CD2AP: variants seen among roughly 807,000 people sequenced by gnomAD.
CD2AP encodes CD2 associated protein, also known as CD2-associated protein.
CD2AP carries 46 observed loss-of-function variants against 85.1 expected under a neutral mutation model. That is an observed-to-expected ratio of 0.54 (90% CI 0.43 to 0.69). The LOEUF (loss-of-function observed/expected upper bound fraction) is 0.69. Ranked by LOEUF, CD2AP falls within the 30% of genes least tolerant of loss-of-function variation. The pLI is 0.00. For synonymous variants in CD2AP, 255 were observed against 252.9 expected (o/e 1.01, Z -0.08); for missense variants, 769 against 729.5 (o/e 1.05, Z -0.62).
rs1768237666 is a variant in CD2AP, at chr6:47,574,206, G to A, written c.684G>A (p.Arg228=). 1 of 1,613,970 alleles carries A rather than the reference G, an allele frequency of 6.2e-7. No homozygotes were observed. The highest frequency in any genetic ancestry group is 8.5e-7 in the Non-Finnish European group (1 of 1,179,954). The change falls in exon 6 of 18, where the codon CGG becomes CGA. Residue 228 remains arginine (R), a synonymous_variant. Coordinates refer to ENST00000359314, the MANE Select transcript of CD2AP (RefSeq NM_012120.3). The part of the protein sequence containing the change: ...DIFKEGSVKL[R]TRTSSSETEE... The stretch of plus-strand genomic sequence containing the variant: ...TTAAAGAAGGCTCTGTGAAACTTCG[G>A]ACAAGAACATCCAGTAGTGAAACAG...
intron 2 of CD2AP, among the ~76,000 whole-genome samples, chr6:47,505,888 C>T (rs1183836174): frequency 1.0e-4 from 11 of 107,452 alleles, no homozygotes; most frequent in African/African-American, 4.0e-4. Context: ...GGCGGCTGGC[C>T]GGGCGGGGGG....
At chr6:47,497,494 A>G (rs925797175) in intron 1 of CD2AP, among the ~76,000 whole-genome samples, 2 of 151,888 alleles carry the variant, frequency 1.3e-5, no homozygotes, top group Admixed American at 6.6e-5. Flanking sequence ...TCTGGACTCA[A>G]GCCATTCTCT....
intron 2 of CD2AP, among the ~76,000 whole-genome samples, chr6:47,526,934 G>T (rs557799813): frequency 3.9e-5 from 6 of 152,230 alleles, no homozygotes; most frequent in African/African-American, 1.4e-4. Context: ...AAAATACTTA[G>T]TGCAGTCTGA....
chr6:47,575,016 A>G (rs1442305825), intron 6 of CD2AP, among the ~76,000 whole-genome samples: 1 of 152,178 alleles, frequency 6.6e-6, no homozygotes, highest in Non-Finnish European at 1.5e-5. Flanking sequence ...TTGAGATACT[A>G]TTAAGTTTCC....
At chr6:47,516,791 T>G (rs139103350) in intron 2 of CD2AP, among the ~76,000 whole-genome samples, 11 of 152,322 alleles carry the variant, frequency 7.2e-5, no homozygotes, top group South Asian at 2.1e-4. Flanking sequence ...ATTTTTAGTT[T>G]CAGAGTAATT....
chr6:47,530,552 T>G (rs572845460), intron 2 of CD2AP, among the ~76,000 whole-genome samples: 1 of 152,374 alleles, frequency 6.6e-6, no homozygotes, highest in Non-Finnish European at 1.5e-5. Flanking sequence ...CTGAGTAGTG[T>G]TCCATTGTTT....
intron 17 of CD2AP, among the ~76,000 whole-genome samples, chr6:47,616,584 T>G (rs1376193322): frequency 6.6e-6 from 1 of 152,234 alleles, no homozygotes; most frequent in Non-Finnish European, 1.5e-5. Context: ...TATTGGCAAC[T>G]TCACTACTTT....
intron 5 of CD2AP, among the ~76,000 whole-genome samples, chr6:47,568,379 T>C (rs1768058823): frequency 1.3e-5 from 2 of 152,146 alleles, no homozygotes; most frequent in South Asian, 4.1e-4. Context: ...TGTCTATGGG[T>C]CTGAATCCTT....
At chr6:47,561,971 G>A (rs965905014) in intron 5 of CD2AP, among the ~76,000 whole-genome samples, 1 of 152,044 alleles carries the variant, frequency 6.6e-6, no homozygotes, top group Non-Finnish European at 1.5e-5. Context: ...GGGTTTCACC[G>A]TGTTAGCCAA....
In CD2AP at chr6:47,627,115, AAAATT is replaced by A. The variant is rs1214995642; in HGVS notation, c.*2892_*2896del. The A allele has an allele frequency of 6.6e-5, 10 of 152,626 alleles. No individual in the cohort carries two copies. Among genetic ancestry groups the A allele is most frequent in the African/African-American group, 1.9e-4 (8 of 41,568 alleles). 9.5% of individuals were successfully genotyped at this position (152,626 alleles called of 1,614,324 possible). On this transcript the variant is annotated 3_prime_UTR_variant, in exon 18 of 18. Coordinates refer to ENST00000359314, the MANE Select transcript of CD2AP (RefSeq NM_012120.3). ...AAAGCATGCTTCTCTCTCAAAAAGA[AAAATT>A]AAAGGATTTTATTGCCAGTCGTGTC...
In CD2AP at chr6:47,533,574, G is replaced by A. The variant is rs138704346; in HGVS notation, c.166-28G>A. The A allele has an allele frequency of 1.1e-5, 18 of 1,606,058 alleles. No homozygotes were observed. The East Asian group carries it at 3.6e-4, about 32-fold the overall frequency. On this transcript the variant is annotated intron_variant, in intron 2 of 17. Transcript: ENST00000359314. Reference sequence around the variant, plus strand: ...TAATATAAAAAATATAACTTAACTTGCCTCTTTATTTATTTTCCCTTTTGT... The same window carrying A: ...TAATATAAAAAATATAACTTAACTTACCTCTTTATTTATTTTCCCTTTTGT...
chr6:47,565,577 C>CT (rs1767970421), intron 5 of CD2AP, among the ~76,000 whole-genome samples: 1 of 151,936 alleles, frequency 6.6e-6, no homozygotes, highest in Non-Finnish European at 1.5e-5. Context: ...GATCCTCTGC[C>CT]TTTTTTTCCT....
At chr6:47,489,873 C>A (rs1219663681) in intron 1 of CD2AP, among the ~76,000 whole-genome samples, 1 of 151,870 alleles carries the variant, frequency 6.6e-6, no homozygotes, top group Non-Finnish European at 1.5e-5. Flanking sequence ...TTCAGACTCT[C>A]CTAGTGTGGT....
intron 1 of CD2AP, among the ~76,000 whole-genome samples, chr6:47,492,630 C>T (rs1765764629): frequency 6.6e-6 from 1 of 152,052 alleles, no homozygotes. Flanking sequence ...TGCCTGGCCT[C>T]TGTGTGTACA....
At chr6:47,610,949 T>TTATATA (rs10580325) in intron 16 of CD2AP, among the ~76,000 whole-genome samples, 33 of 114,222 alleles carry the variant, frequency 2.9e-4, no homozygotes, top group African/African-American at 6.6e-4. Flanking sequence ...TATTTCTGAT[T>TTATATA]TATATATATA....
At chr6:47,610,062 G>A (rs950370893) in intron 16 of CD2AP, among the ~76,000 whole-genome samples, 1 of 151,986 alleles carries the variant, frequency 6.6e-6, no homozygotes, top group Non-Finnish European at 1.5e-5. Context: ...TTTTGATATG[G>A]TATATGTTGA....
intron 14 of CD2AP, 55 bp downstream of exon 14, chr6:47,606,332 T>C (rs1769269820): frequency 9.7e-7 from 1 of 1,026,008 alleles, no homozygotes; most frequent in Non-Finnish European, 1.5e-6. Context: ...GCAGAGTCCA[T>C]TGGAAGATAG....
At chr6:47,581,937 G>C in intron 10 of CD2AP, 66 bp from the exon 11 acceptor site, 15 of 997,144 alleles carry the variant, frequency 1.5e-5, no homozygotes, top group Non-Finnish European at 2.3e-5. Context: ...TTACTTTTTA[G>C]AAGTGTAATT....
At chr6:47,545,849 A>G (rs1176803176) in intron 4 of CD2AP, among the ~76,000 whole-genome samples, 3 of 151,934 alleles carry the variant, frequency 2.0e-5, no homozygotes, top group African/African-American at 7.3e-5. Flanking sequence ...GGACAAAAAG[A>G]AACTGAACAG....
Sources: gnomAD v4.1 joint callset for allele counts (sites outside exome capture counted in the v4.1 genomes callset) on GRCh38, gnomAD v4.1.1 for gene constraint, MANE v1.5 for transcripts, NCBI Gene and HGNC (gene_info 2026-07-23, HGNC 2026-07-21) for gene names.